ZNF385B: variants seen among roughly 807,000 people sequenced by gnomAD.
ZNF385B encodes zinc finger protein 385B.
ZNF385B carries 23 observed loss-of-function variants against 39.2 expected under a neutral mutation model. The ratio of observed to expected loss-of-function variants is 0.59; its 90% CI spans 0.42 to 0.83. The LOEUF (loss-of-function observed/expected upper bound fraction) is 0.83. Ranked by LOEUF, ZNF385B falls within the 40% of genes least tolerant of loss-of-function variation. ZNF385B has a pLI of 0.00. For missense variants in ZNF385B, 552 were observed against 598.9 expected, an observed-to-expected ratio of 0.92 and a Z score of 0.82; for synonymous variants, 205 against 222.6, an observed-to-expected ratio of 0.92 and a Z score of 0.70.
At chr2:179,648,393 C>T (rs1337572431) in intron 3 of ZNF385B, among the ~76,000 whole-genome samples, 5 of 152,082 alleles carry the variant, frequency 3.3e-5, no homozygotes, top group Non-Finnish European at 7.4e-5. Context: ...TAAGAGTATA[C>T]TCTGTGGTGT....
intron 3 of ZNF385B, among the ~76,000 whole-genome samples, chr2:179,742,609 A>C (rs1361711527): frequency 6.6e-6 from 1 of 152,076 alleles, no homozygotes; most frequent in Non-Finnish European, 1.5e-5. Flanking sequence ...AGTAGGAAAA[A>C]AAGTAAGTGA....
At chr2:179,757,254 A>C (rs1360475669) in intron 3 of ZNF385B, among the ~76,000 whole-genome samples, 1 of 152,236 alleles carries the variant, frequency 6.6e-6, no homozygotes, top group Non-Finnish European at 1.5e-5. Context: ...CCTGGGTATC[A>C]GCAGCGGAGG....
chr2:179,465,524 A>G (rs995635345), intron 6 of ZNF385B, among the ~76,000 whole-genome samples: 2 of 152,172 alleles, frequency 1.3e-5, no homozygotes, highest in East Asian at 1.9e-4. Flanking sequence ...CCTCACGTCA[A>G]TTGATGGTAT....
intron 3 of ZNF385B, among the ~76,000 whole-genome samples, chr2:179,595,481 C>T (rs1687918667): frequency 6.6e-6 from 1 of 152,174 alleles, no homozygotes; most frequent in African/African-American, 2.4e-5. Context: ...ATGCTGTGGG[C>T]TGTGGCAGAG....
At chr2:179,448,641 C>G (rs1490564975) in intron 6 of ZNF385B, among the ~76,000 whole-genome samples, 1 of 152,022 alleles carries the variant, frequency 6.6e-6, no homozygotes, top group African/African-American at 2.4e-5. Flanking sequence ...AGGTAAGGCT[C>G]AAAATGATTA....
At chr2:179,787,545 G>T (rs1183945219) in intron 1 of ZNF385B, among the ~76,000 whole-genome samples, 1 of 152,160 alleles carries the variant, frequency 6.6e-6, no homozygotes, top group African/African-American at 2.4e-5. Flanking sequence ...AATGGCTGTG[G>T]CCACTATTGG....
intron 1 of ZNF385B, among the ~76,000 whole-genome samples, chr2:179,780,026 T>C (rs1704571771): frequency 1.3e-5 from 2 of 152,002 alleles, no homozygotes; most frequent in African/African-American, 4.8e-5. Flanking sequence ...AGAGGGTAAG[T>C]GGTTGCGGCA....
intron 3 of ZNF385B, among the ~76,000 whole-genome samples, chr2:179,608,198 G>A (rs1229767722): frequency 3.3e-5 from 5 of 152,146 alleles, no homozygotes; most frequent in African/African-American, 1.2e-4. Flanking sequence ...ACAGGCATAA[G>A]CCACTGTGCA....
At chr2:179,502,680 C>T (rs1395090384) in intron 5 of ZNF385B, among the ~76,000 whole-genome samples, 1 of 152,126 alleles carries the variant, frequency 6.6e-6, no homozygotes, top group Non-Finnish European at 1.5e-5. Flanking sequence ...TCATAAATTT[C>T]CCAGTCTCAG....
chr2:179,711,089 A>G (rs1351159034), intron 3 of ZNF385B, among the ~76,000 whole-genome samples: 1 of 152,198 alleles, frequency 6.6e-6, no homozygotes, highest in Non-Finnish European at 1.5e-5. Flanking sequence ...TGGGATGTGC[A>G]CCATTCTTAG....
intron 5 of ZNF385B, among the ~76,000 whole-genome samples, chr2:179,493,723 GTA>G (rs1338240264): frequency 3.6e-5 from 5 of 140,060 alleles, no homozygotes; most frequent in Non-Finnish European, 7.7e-5. Flanking sequence ...ATGCATATAC[GTA>G]TATACATATA....
chr2:179,761,761 CTTTTTTT>C (rs34325728), intron 3 of ZNF385B, among the ~76,000 whole-genome samples: 6 of 110,286 alleles, frequency 5.4e-5, no homozygotes, highest in African/African-American at 1.4e-4. Flanking sequence ...TTTTTCTTTT[CTTTTTTT>C]TTTTTTTTTT....
intron 3 of ZNF385B, among the ~76,000 whole-genome samples, chr2:179,715,943 C>T (rs1700303090): frequency 1.3e-5 from 2 of 151,970 alleles, no homozygotes; most frequent in African/African-American, 4.8e-5. Context: ...ATAATTTATG[C>T]CTGTATTTTG....
At chr2:179,843,062 C>T (rs975677142) in intron 1 of ZNF385B, among the ~76,000 whole-genome samples, 6 of 152,136 alleles carry the variant, frequency 3.9e-5, no homozygotes, top group African/African-American at 1.4e-4. Context: ...ACCATTGTAT[C>T]CATTAACCTT....
intron 3 of ZNF385B, among the ~76,000 whole-genome samples, chr2:179,696,692 T>C (rs1276162374): frequency 6.6e-6 from 1 of 152,066 alleles, no homozygotes; most frequent in African/African-American, 2.4e-5. Flanking sequence ...AGGTTTGGTT[T>C]TAATAAACTT....
intron 3 of ZNF385B, among the ~76,000 whole-genome samples, chr2:179,591,498 C>A (rs1161570139): frequency 6.6e-6 from 1 of 152,082 alleles, no homozygotes; most frequent in Non-Finnish European, 1.5e-5. Context: ...AATGACTTTT[C>A]TTAAAAGTCA....
chr2:179,498,935 G>A (rs1453142235), intron 5 of ZNF385B, among the ~76,000 whole-genome samples: 1 of 151,374 alleles, frequency 6.6e-6, no homozygotes, highest in African/African-American at 2.4e-5. Flanking sequence ...GCCATACTAA[G>A]AAAAAAAGAC....
intron 1 of ZNF385B, among the ~76,000 whole-genome samples, chr2:179,833,152 T>C (rs1216452437): frequency 6.6e-6 from 1 of 152,180 alleles, no homozygotes. Context: ...TTCAATCAGA[T>C]ACTTGGTTAT....
At chr2:179,581,093 A>G (rs544911522) in intron 3 of ZNF385B, among the ~76,000 whole-genome samples, 1 of 152,362 alleles carries the variant, frequency 6.6e-6, no homozygotes, top group African/African-American at 2.4e-5. Context: ...ATAGATCCTT[A>G]AAGGTGCAGT....
Sources: allele counts gnomAD v4.1 joint callset (sites outside exome capture counted in the v4.1 genomes callset), GRCh38; gene constraint gnomAD v4.1.1; transcripts MANE v1.5; gene names NCBI Gene and HGNC (gene_info 2026-07-23, HGNC 2026-07-21).